The following RALYL variants were observed in gnomAD, a reference collection of about 807,000 sequenced individuals.
RALYL encodes the protein RNA-binding Raly-like protein.
Under a neutral mutation model 35.1 loss-of-function variants are expected in RALYL, and 29 were observed. The observed-to-expected ratio is 0.83, with a 90% CI of 0.61 to 1.13. RALYL has a LOEUF of 1.13. Among genes scored for constraint, RALYL ranks in the 50% most tolerant of loss-of-function variants. RALYL has a pLI of 0.00. For missense variants in RALYL, 359 were observed against 360.4 expected, an observed-to-expected ratio of 1.00 and a Z score of 0.03; for synonymous variants, 120 against 127.6, an observed-to-expected ratio of 0.94 and a Z score of 0.40.
intron 1 of RALYL, among the ~76,000 whole-genome samples, chr8:84,249,676 T>C (rs1416439775): frequency 7.9e-5 from 12 of 152,076 alleles, no homozygotes; most frequent in Admixed American, 7.9e-4. Context: ...AACTGAATTC[T>C]AGAAAATCAG....
In RALYL at chr8:84,612,907, G is replaced by T. The variant is rs79873842; in HGVS notation, c.256+83330G>T. ...AAAAAATCACCACTGCATGTAAATT[G>T]CTTGCATTTTCCAGTAAATACCACT... On this transcript the variant is annotated intron_variant, in intron 2 of 8. Coordinates refer to ENST00000521268, the MANE Select transcript of RALYL (RefSeq NM_173848.7). 1.6e-3 allele frequency among the ~76,000 whole-genome samples: 249 copies of T among 151,714 alleles called. 6 individuals are homozygous for T. Among genetic ancestry groups the T allele is most frequent in the African/African-American group, 5.8e-3 (239 of 41,206 alleles).
chr8:84,750,745 A>ATCACAT (rs1809779498), intron 2 of RALYL, among the ~76,000 whole-genome samples: 1 of 152,110 alleles, frequency 6.6e-6, no homozygotes, highest in Non-Finnish European at 1.5e-5. Context: ...TAGCATGCTC[A>ATCACAT]GCCCCCTTAC....
chr8:84,284,959 A>C (rs1472972931), intron 1 of RALYL, among the ~76,000 whole-genome samples: 1 of 152,218 alleles, frequency 6.6e-6, no homozygotes, highest in African/African-American at 2.4e-5. Flanking sequence ...TTTAAACTAC[A>C]ATATTCAAGT....
At chr8:84,839,840 T>C (rs1298311299) in intron 4 of RALYL, among the ~76,000 whole-genome samples, 2 of 152,210 alleles carry the variant, frequency 1.3e-5, no homozygotes, top group Non-Finnish European at 2.9e-5. Context: ...CCACGACTGC[T>C]GATGCCCAGG....
intron 2 of RALYL, among the ~76,000 whole-genome samples, chr8:84,575,981 AT>A (rs1554727429): frequency 6.6e-6 from 1 of 151,832 alleles, no homozygotes; most frequent in Non-Finnish European, 1.5e-5. Context: ...AAAAAAAGGA[AT>A]GACAATATTG....
At chr8:84,388,727 A>G (rs965643033) in intron 1 of RALYL, among the ~76,000 whole-genome samples, 2 of 151,888 alleles carry the variant, frequency 1.3e-5, no homozygotes, top group African/African-American at 4.8e-5. Context: ...AGTTCATTGT[A>G]GATTCTGGAT....
intron 2 of RALYL, among the ~76,000 whole-genome samples, chr8:84,739,772 ATC>A (rs1847949765): frequency 6.6e-6 from 1 of 151,930 alleles, no homozygotes; most frequent in Non-Finnish European, 1.5e-5. Context: ...TGAGAAATGA[ATC>A]TGAGACTCTG....
At chr8:84,846,560 C>CT (rs969241040) in intron 4 of RALYL, among the ~76,000 whole-genome samples, 3 of 152,048 alleles carry the variant, frequency 2.0e-5, no homozygotes, top group Non-Finnish European at 4.4e-5. Flanking sequence ...TCCTCCTTGA[C>CT]TTTTTTGGAA....
At chr8:84,869,708 A>T (rs977245578) in intron 6 of RALYL, among the ~76,000 whole-genome samples, 2 of 152,166 alleles carry the variant, frequency 1.3e-5, no homozygotes, top group Non-Finnish European at 2.9e-5. Context: ...GAGCAAAATC[A>T]CCATGTTAAG....
intron 1 of RALYL, among the ~76,000 whole-genome samples, chr8:84,394,414 G>T (rs1250530459): frequency 6.6e-6 from 1 of 151,812 alleles, no homozygotes; most frequent in Non-Finnish European, 1.5e-5. Flanking sequence ...TAAACACTTT[G>T]CGTACTTCCA....
At chr8:84,313,652 C>T (rs762029385) in intron 1 of RALYL, among the ~76,000 whole-genome samples, 115 of 152,164 alleles carry the variant, frequency 7.6e-4, no homozygotes, top group Non-Finnish European at 1.1e-3. Context: ...CTGCCAGTCT[C>T]TTTGCTAAAG....
At chr8:84,849,685 T>C (rs1395705720) in intron 4 of RALYL, among the ~76,000 whole-genome samples, 6 of 151,878 alleles carry the variant, frequency 4.0e-5, no homozygotes. Flanking sequence ...CAGCCTCCCG[T>C]GTAGCTGGGA....
intron 4 of RALYL, among the ~76,000 whole-genome samples, chr8:84,826,585 T>C (rs1347311576): frequency 1.3e-5 from 2 of 152,142 alleles, no homozygotes; most frequent in Non-Finnish European, 1.5e-5. Context: ...ATTAGCAGTT[T>C]ATCATCTCTG....
intron 2 of RALYL, among the ~76,000 whole-genome samples, chr8:84,561,387 AG>A (rs1235801289): frequency 6.6e-6 from 1 of 152,050 alleles, no homozygotes; most frequent in East Asian, 1.9e-4. Flanking sequence ...ACTATTATGT[AG>A]GATGAGTATG....
chr8:84,475,698 A>G (rs775050786), intron 1 of RALYL, among the ~76,000 whole-genome samples: 24 of 152,304 alleles, frequency 1.6e-4, no homozygotes, highest in South Asian at 4.1e-4. Flanking sequence ...GTAAAAGAAA[A>G]AAAAGGCTTT....
At chr8:84,537,593 C>A (rs1254712712) in intron 2 of RALYL, among the ~76,000 whole-genome samples, 1 of 151,684 alleles carries the variant, frequency 6.6e-6, no homozygotes, top group East Asian at 1.9e-4. Context: ...ACTTTTGTTT[C>A]ATCTTTTCTG....
At chr8:84,752,767 G>A (rs1433228024) in intron 2 of RALYL, among the ~76,000 whole-genome samples, 1 of 152,168 alleles carries the variant, frequency 6.6e-6, no homozygotes, top group Non-Finnish European at 1.5e-5. Flanking sequence ...GTGATAATAA[G>A]CCTGCAGGTA....
intron 3 of RALYL, among the ~76,000 whole-genome samples, chr8:84,802,314 A>ACAAT (rs1337350452): frequency 7.2e-5 from 11 of 152,214 alleles, no homozygotes; most frequent in Admixed American, 2.0e-4. Flanking sequence ...GGGGCTATAC[A>ACAAT]CAATCAGAGG....
intron 2 of RALYL, among the ~76,000 whole-genome samples, chr8:84,595,131 G>C (rs1025076064): frequency 6.6e-6 from 1 of 151,954 alleles, no homozygotes; most frequent in Non-Finnish European, 1.5e-5. Flanking sequence ...AATATATGCT[G>C]GTAACTAAAA....
Sources: allele counts gnomAD v4.1 joint callset (sites outside exome capture counted in the v4.1 genomes callset), GRCh38; gene constraint gnomAD v4.1.1; transcripts MANE v1.5; gene names NCBI Gene and HGNC (gene_info 2026-07-23, HGNC 2026-07-21).